Variants in ATP8A2 observed in about 807,000 individuals in gnomAD.
The protein encoded by ATP8A2 is phospholipid-transporting ATPase IB.
A neutral mutation model predicts 165.6 loss-of-function variants in ATP8A2; 100 were observed. The ratio of observed to expected loss-of-function variants is 0.60; its 90% CI spans 0.51 to 0.71. ATP8A2 has a LOEUF of 0.71. ATP8A2 is among the 30% of genes least tolerant of loss of function. The pLI is 0.00. For synonymous variants in ATP8A2, 543 were observed against 548.8 expected (o/e 0.99, Z 0.15); for missense variants, 1,227 against 1,479.5 (o/e 0.83, Z 2.80).
At chr13:25,915,639 C>A (rs1473932919) in intron 33 of ATP8A2, among the ~76,000 whole-genome samples, 1 of 152,146 alleles carries the variant, frequency 6.6e-6, no homozygotes, top group Admixed American at 6.5e-5. Context: ...TGGGAGGACC[C>A]AGTTGGAAGG....
chr13:25,468,877 C>T, intron 1 of ATP8A2, 100 bp from the exon 2 acceptor site: 1 of 1,551,984 alleles, frequency 6.4e-7, no homozygotes, highest in Non-Finnish European at 8.7e-7. Flanking sequence ...GAGCATCCTT[C>T]CCCGCCGGTG....
rs952855356 is a variant in ATP8A2, at chr13:25,914,623, G to C, written c.3184-46952G>C. Among the ~76,000 whole-genome samples, 6 of 152,226 alleles carry C rather than the reference G, an allele frequency of 3.9e-5. No homozygotes were observed. The South Asian group carries it at 1.2e-3, about 32-fold the overall frequency. On this transcript the variant is annotated intron_variant, in intron 33 of 36. Coordinates refer to ENST00000381655, the MANE Select transcript of ATP8A2 (RefSeq NM_016529.6). ...AATGCTGATGTACTGGTGTGGCCCT[G>C]TCATCTTCTGCTCAACTACAGCAGT...
chr13:25,632,585 G>C (rs1238535054), intron 24 of ATP8A2, among the ~76,000 whole-genome samples: 1 of 152,114 alleles, frequency 6.6e-6, no homozygotes, highest in Non-Finnish European at 1.5e-5. Flanking sequence ...CCTGACTTTT[G>C]CTCTAATGTT....
intron 2 of ATP8A2, among the ~76,000 whole-genome samples, chr13:25,491,191 C>T (rs1472371861): frequency 1.3e-5 from 2 of 151,528 alleles, no homozygotes; most frequent in Non-Finnish European, 2.9e-5. Flanking sequence ...TTTTAAGTGA[C>T]GATTATATTC....
chr13:25,526,604 C>T (rs2037848913), intron 2 of ATP8A2, among the ~76,000 whole-genome samples: 1 of 152,136 alleles, frequency 6.6e-6, no homozygotes, highest in African/African-American at 2.4e-5. Flanking sequence ...GGAAATGGTG[C>T]CAAAGGGGAT....
intron 2 of ATP8A2, among the ~76,000 whole-genome samples, chr13:25,485,670 C>T (rs1228491710): frequency 6.6e-6 from 1 of 152,204 alleles, no homozygotes; most frequent in Non-Finnish European, 1.5e-5. Flanking sequence ...GCATAAGTGG[C>T]AGTCGACCCA....
intron 27 of ATP8A2, among the ~76,000 whole-genome samples, chr13:25,782,933 G>A (rs1387410738): frequency 6.6e-6 from 1 of 151,778 alleles, no homozygotes; most frequent in Non-Finnish European, 1.5e-5. Flanking sequence ...GAGAGACAGG[G>A]TTTCACCATG....
Position 25,372,235 on chromosome 13 carries a change from A to G in ATP8A2, c.23A>G (p.Asp8Gly), listed in dbSNP as rs2032427563. The G allele has an allele frequency of 1.4e-6, 2 of 1,479,756 alleles. No individual in the cohort carries two copies. The highest frequency in any genetic ancestry group is 1.5e-5 in the African/African-American group (1 of 68,016). 91.7% of individuals were successfully genotyped at this position (1,479,756 alleles called of 1,614,324 possible). A position where few individuals can be genotyped will look rare whatever the true frequency, so the allele number is the denominator to read the frequency against. Residue 8 changes from aspartate (D) to glycine (G), a missense_variant, in exon 1 of 37, where the codon GAC (aspartate) becomes GGC (glycine). Asp to Gly is a moderately conservative substitution (Grantham distance 94, BLOSUM62 -1). Coordinates refer to ENST00000381655, the MANE Select transcript of ATP8A2 (RefSeq NM_016529.6). This position sits in a 1 kb window ranked among gnomAD's most constrained non-coding sequence, Gnocchi z 4.8. ...GAGATGCTGAACGGCGCAGGCCTGGACAAAGCTCTTAAGATGTCCCTGCCG... is the reference window on the plus strand; with the variant it reads ...GAGATGCTGAACGGCGCAGGCCTGGGCAAAGCTCTTAAGATGTCCCTGCCG... MLNGAGLDKALKMSLPRR... is the reference protein window; with the variant it reads MLNGAGLGKALKMSLPRR...
intron 24 of ATP8A2, among the ~76,000 whole-genome samples, chr13:25,593,521 A>T (rs1027680570): frequency 5.9e-5 from 9 of 152,332 alleles, no homozygotes; most frequent in Non-Finnish European, 1.0e-4. Context: ...GGGGGACACT[A>T]GATGATATAT....
intron 2 of ATP8A2, among the ~76,000 whole-genome samples, chr13:25,501,965 C>T (rs934804856): frequency 5.9e-5 from 9 of 152,150 alleles, no homozygotes; most frequent in African/African-American, 1.2e-4. Flanking sequence ...GAAAGACATG[C>T]GTGGAAGCAA....
intron 16 of ATP8A2, among the ~76,000 whole-genome samples, chr13:25,567,776 C>A (rs1231340053): frequency 6.6e-6 from 1 of 152,216 alleles, no homozygotes; most frequent in East Asian, 1.9e-4. Flanking sequence ...CATTTAACAT[C>A]TAGCTGCACT....
At chr13:25,984,809 T>G (rs939882518) in intron 35 of ATP8A2, among the ~76,000 whole-genome samples, 6 of 152,144 alleles carry the variant, frequency 3.9e-5, no homozygotes, top group Non-Finnish European at 8.8e-5. Flanking sequence ...TATCAAGATC[T>G]CGGCAGCATG....
In ATP8A2 at chr13:25,536,272, C is replaced by T. The variant is rs530012442; in HGVS notation, c.508-1716C>T. Among the ~76,000 whole-genome samples the T allele has an allele frequency of 4.5e-3, 525 of 117,804 alleles. 3 individuals are homozygous for T. Among genetic ancestry groups the T allele is most frequent in the Non-Finnish European group, 6.0e-3 (327 of 54,830 alleles). 77.3% of individuals were successfully genotyped at this position (117,804 alleles called of 152,430 possible). On this transcript the variant is annotated intron_variant, in intron 6 of 36. Coordinates refer to ENST00000381655, the MANE Select transcript of ATP8A2 (RefSeq NM_016529.6). Reference sequence around the variant, plus strand: ...GACTACAGGTGCCCACCACCATGCCCGGTTAATTTTTTTTTTTTTTTTTAG... The same window carrying T: ...GACTACAGGTGCCCACCACCATGCCTGGTTAATTTTTTTTTTTTTTTTTAG...
intron 27 of ATP8A2, among the ~76,000 whole-genome samples, chr13:25,827,113 G>T (rs900861879): frequency 1.3e-5 from 2 of 151,806 alleles, no homozygotes; most frequent in South Asian, 2.1e-4. Flanking sequence ...GTTTGTTTTG[G>T]TTTTTATTTT....
chr13:25,948,064 C>T (rs1050470797), intron 33 of ATP8A2, among the ~76,000 whole-genome samples: 2 of 152,198 alleles, frequency 1.3e-5, no homozygotes, highest in Admixed American at 6.5e-5. Context: ...TTAGCTTTCT[C>T]TTGGCACCAG....
chr13:25,822,085 TC>T (rs1051606736), intron 27 of ATP8A2, among the ~76,000 whole-genome samples: 13 of 152,226 alleles, frequency 8.5e-5, no homozygotes, highest in African/African-American at 2.9e-4. Context: ...CCTTATTTTT[TC>T]ATTTTTAATG....
chr13:25,626,358 T>C (rs1245328972), intron 24 of ATP8A2, among the ~76,000 whole-genome samples: 1 of 152,128 alleles, frequency 6.6e-6, no homozygotes, highest in Non-Finnish European at 1.5e-5. Flanking sequence ...GAGGGCACCA[T>C]ATTGCAAGAG....
At chr13:25,470,015 T>A (rs2035799816) in intron 2 of ATP8A2, among the ~76,000 whole-genome samples, 1 of 152,228 alleles carries the variant, frequency 6.6e-6, no homozygotes, top group Admixed American at 6.5e-5. Context: ...ATTTATCAGG[T>A]TACACATAGA....
intron 36 of ATP8A2, among the ~76,000 whole-genome samples, chr13:26,018,870 G>C (rs973929845): frequency 1.8e-4 from 28 of 152,256 alleles, no homozygotes; most frequent in African/African-American, 6.5e-4. Flanking sequence ...TTTCTGGGAG[G>C]ATTAAATGAG....
Sources: allele counts gnomAD v4.1 joint callset (sites outside exome capture counted in the v4.1 genomes callset), GRCh38; gene constraint gnomAD v4.1.1; non-coding constraint Gnocchi (gnomAD v3.1); transcripts MANE v1.5; gene names NCBI Gene and HGNC (gene_info 2026-07-23, HGNC 2026-07-21).